The following YPEL2 variants were observed in gnomAD, a reference collection of about 807,000 sequenced individuals.
YPEL2 encodes the protein yippee like 2, also known as protein yippee-like 2.
In YPEL2, 2 loss-of-function variants were observed where a neutral mutation model predicts 19.1. The observed-to-expected ratio is 0.10, with a 90% CI of 0.04 to 0.33. The LOEUF (loss-of-function observed/expected upper bound fraction) is 0.33, where lower values mean the gene tolerates loss of function less well. Among genes scored for constraint, YPEL2 ranks in the 10% least tolerant of loss-of-function variants. The probability of loss-of-function intolerance (pLI) is 1.00; values close to 1 mark genes in which losing one functional copy is unlikely to be tolerated. For synonymous variants in YPEL2, 52 were observed against 50.0 expected (o/e 1.04, Z -0.17); for missense variants, 66 against 140.7 (o/e 0.47, Z 2.68).
Position 59,368,232 on chromosome 17 carries a change from C to T in YPEL2, c.117+14706C>T, listed in dbSNP as rs151045060. The stretch of plus-strand genomic sequence containing the variant: ...CTGAGTAGCTGGGACTACAGACATG[C>T]GCCACCATGTCCGGCTAATTTTTCT... On this transcript the variant is annotated intron_variant, in intron 2 of 4. Coordinates refer to ENST00000312655, the MANE Select transcript of YPEL2 (RefSeq NM_001005404.4). 1.1e-4 allele frequency among the ~76,000 whole-genome samples: 16 copies of T among 152,178 alleles called. No homozygotes were observed. In the East Asian group the frequency reaches 2.1e-3, roughly 20 times the overall value.
intron 1 of YPEL2, among the ~76,000 whole-genome samples, chr17:59,350,007 TC>T (rs1488828798): frequency 5.9e-5 from 9 of 152,116 alleles, no homozygotes; most frequent in Non-Finnish European, 1.5e-5. Context: ...ACTTACCTCC[TC>T]TCATTTCTTC....
intron 2 of YPEL2, among the ~76,000 whole-genome samples, chr17:59,364,665 T>G (rs889502472): frequency 6.8e-6 from 1 of 147,122 alleles, no homozygotes; most frequent in Admixed American, 7.0e-5. Flanking sequence ...TCACCCAGGC[T>G]GGAGTGCAAT....
intron 2 of YPEL2, among the ~76,000 whole-genome samples, chr17:59,365,587 A>G (rs897942473): frequency 1.3e-5 from 2 of 152,192 alleles, no homozygotes; most frequent in Admixed American, 6.5e-5. Flanking sequence ...GTGGGGGGGA[A>G]TCTTTTGAAA....
chr17:59,393,951 C>CT (rs2048022478), intron 4 of YPEL2, among the ~76,000 whole-genome samples: 1 of 152,392 alleles, frequency 6.6e-6, no homozygotes, highest in South Asian at 2.1e-4. Flanking sequence ...ATTTCGCAAT[C>CT]TTTTCCCCAC....
At chr17:59,371,331 G>A (rs982408509) in intron 2 of YPEL2, among the ~76,000 whole-genome samples, 1 of 152,190 alleles carries the variant, frequency 6.6e-6, no homozygotes, top group Non-Finnish European at 1.5e-5. Flanking sequence ...CCCCAGTATC[G>A]TGTTGGATGG....
intron 1 of YPEL2, among the ~76,000 whole-genome samples, chr17:59,349,445 C>T (rs897448251): frequency 6.6e-6 from 1 of 150,492 alleles, no homozygotes; most frequent in African/African-American, 2.5e-5. Flanking sequence ...AGTGATTCAC[C>T]TGCCTCAGCC....
At chr17:59,374,011 G>A (rs575043966) in intron 2 of YPEL2, among the ~76,000 whole-genome samples, 6 of 152,300 alleles carry the variant, frequency 3.9e-5, no homozygotes, top group Admixed American at 6.5e-5. Flanking sequence ...TTTAATATGC[G>A]AGGCATCTAT....
At chr17:59,340,173 T>C (rs530222426) in intron 1 of YPEL2, among the ~76,000 whole-genome samples, 1 of 151,962 alleles carries the variant, frequency 6.6e-6, no homozygotes. Context: ...AATGGTGTGA[T>C]CTCAGCTCAC....
chr17:59,348,227 A>G lies in YPEL2; in HGVS notation c.-195-4988A>G, dbSNP rs562409643. Among the ~76,000 whole-genome samples, 81 of 152,306 alleles carry G rather than the reference A, an allele frequency of 5.3e-4. 4 individuals are homozygous for G. In the South Asian group the frequency reaches 0.016, roughly 31 times the overall value. On this transcript the variant is annotated intron_variant, in intron 1 of 4. Transcript: ENST00000312655. The stretch of plus-strand genomic sequence containing the variant: ...TCTCAGACACCCCATGGAAACAACA[A>G]CACAGAGGCATGCCTTGGGGCCAGC...
At chr17:59,342,220 T>C (rs1567731035) in intron 1 of YPEL2, among the ~76,000 whole-genome samples, 1 of 152,234 alleles carries the variant, frequency 6.6e-6, no homozygotes, top group South Asian at 2.1e-4. Context: ...GGGCCCCAGC[T>C]GTGCCCTGGG....
chr17:59,393,313 T>G (rs1329259565), intron 4 of YPEL2, among the ~76,000 whole-genome samples: 1 of 150,590 alleles, frequency 6.6e-6, no homozygotes, highest in Non-Finnish European at 1.5e-5. Context: ...TTTTTTTTTT[T>G]TTTTGTAGAG....
intron 2 of YPEL2, among the ~76,000 whole-genome samples, chr17:59,384,191 TC>T (rs1567757133): frequency 6.6e-6 from 1 of 152,216 alleles, no homozygotes; most frequent in Non-Finnish European, 1.5e-5. Flanking sequence ...TCAGTTTTTT[TC>T]TCTTTTATGG....
intron 2 of YPEL2, among the ~76,000 whole-genome samples, chr17:59,358,946 T>G: frequency 8.0e-6 from 1 of 125,430 alleles, no homozygotes; most frequent in Non-Finnish European, 1.6e-5. Flanking sequence ...TTTTTTGAGA[T>G]GAAGTCTTGC....
chr17:59,363,622 C>A (rs1049706325), intron 2 of YPEL2, among the ~76,000 whole-genome samples: 1 of 152,304 alleles, frequency 6.6e-6, no homozygotes. Context: ...TGAACACTTT[C>A]CTCTTTATTG....
intron 2 of YPEL2, among the ~76,000 whole-genome samples, chr17:59,363,796 C>T (rs1015721654): frequency 5.9e-5 from 9 of 152,224 alleles, no homozygotes; most frequent in African/African-American, 1.9e-4. Context: ...GCTACCGCTT[C>T]GCAGTGTGGC....
At chr17:59,348,395 C>T (rs926156230) in intron 1 of YPEL2, among the ~76,000 whole-genome samples, 4 of 152,212 alleles carry the variant, frequency 2.6e-5, no homozygotes, top group African/African-American at 9.7e-5. Flanking sequence ...CGTCCCATCT[C>T]CCGCCCCTCC....
intron 2 of YPEL2, among the ~76,000 whole-genome samples, chr17:59,361,928 AG>A (rs2047843079): frequency 6.6e-6 from 1 of 152,234 alleles, no homozygotes; most frequent in Non-Finnish European, 1.5e-5. Context: ...AGCCAGAGGC[AG>A]GGAGCACACA....
At chr17:59,343,243 A>G (rs755686198) in intron 1 of YPEL2, among the ~76,000 whole-genome samples, 25 of 152,192 alleles carry the variant, frequency 1.6e-4, no homozygotes, top group Admixed American at 5.9e-4. Flanking sequence ...AAGGTGATTT[A>G]AAAAATACCA....
At chr17:59,389,029 A>G (rs200357522) in intron 3 of YPEL2, 10 of 346,364 alleles carry the variant, frequency 2.9e-5, no homozygotes, top group Non-Finnish European at 5.0e-5. Context: ...ACCTGTGCCC[A>G]TGGCTGTGGA....
Sources: allele counts gnomAD v4.1 joint callset (sites outside exome capture counted in the v4.1 genomes callset), GRCh38; gene constraint gnomAD v4.1.1; transcripts MANE v1.5; gene names NCBI Gene and HGNC (gene_info 2026-07-23, HGNC 2026-07-21).